CACNG5: variants seen among roughly 807,000 people sequenced by gnomAD.
CACNG5 encodes the protein voltage-dependent calcium channel gamma-5 subunit.
CACNG5 carries 18 observed loss-of-function variants against 24.8 expected under a neutral mutation model. That is an observed-to-expected ratio of 0.73 (90% CI 0.50 to 1.08). The LOEUF is 1.08. CACNG5 is among the 50% of genes least tolerant of loss of function. CACNG5 has a pLI of 0.00. For synonymous variants in CACNG5, 157 were observed against 149.1 expected (o/e 1.05, Z -0.39); for missense variants, 349 against 367.9 (o/e 0.95, Z 0.42).
In CACNG5 at chr17:66,835,421, T is replaced by C. The variant is rs138418752; in HGVS notation, c.-104+171T>C. Among the ~76,000 whole-genome samples the C allele has an allele frequency of 5.7e-4, 86 of 151,936 alleles. 1 individual carries two copies. The highest frequency in any genetic ancestry group is 4.3e-3 in the Admixed American group (65 of 15,290). ...ATCGCGCACCCTGGAAGGGGCAGTG[T>C]GGTGGGGAGCGCGGGCGTGTGTATG... On this transcript the variant is annotated intron_variant, in intron 1 of 5. Transcript: ENST00000533854.
At chr17:66,848,481 C>G (rs190143902) in intron 1 of CACNG5, among the ~76,000 whole-genome samples, 46 of 152,338 alleles carry the variant, frequency 3.0e-4, no homozygotes, top group African/African-American at 1.0e-3. Context: ...ACACGGTCAC[C>G]TCATATTCCC....
At chr17:66,856,635 A>C (rs1359007285) in intron 1 of CACNG5, among the ~76,000 whole-genome samples, 1 of 147,022 alleles carries the variant, frequency 6.8e-6, no homozygotes, top group Non-Finnish European at 1.5e-5. Context: ...TCCGCCGCCC[A>C]GGTTCAAGCA....
chr17:66,880,431 G>A (rs376275337), intron 3 of CACNG5, 126 bp from the exon 4 acceptor site: 1 of 1,113,010 alleles, frequency 9.0e-7, no homozygotes, highest in Non-Finnish European at 1.3e-6. Flanking sequence ...AGAGTCTGGG[G>A]AACCCCTGCA....
At chr17:66,851,379 T>C (rs1976708259) in intron 1 of CACNG5, among the ~76,000 whole-genome samples, 1 of 152,162 alleles carries the variant, frequency 6.6e-6, no homozygotes, top group African/African-American at 2.4e-5. Context: ...ATGGGGATGG[T>C]TGAGGGGAAG....
At chr17:66,859,062 A>T (rs1351286246) in intron 1 of CACNG5, among the ~76,000 whole-genome samples, 1 of 152,212 alleles carries the variant, frequency 6.6e-6, no homozygotes, top group Non-Finnish European at 1.5e-5. Context: ...CAACCCAGGC[A>T]GCCAGGCGCT....
rs1289011022 is a variant in CACNG5, at chr17:66,890,422, G to A, written c.*5182G>A. ...TCTAGCATCCACGTCTCCCAGGACA[G>A]GTGCTAGGGCCTCATGTCCTTGGTA... On this transcript the variant is annotated 3_prime_UTR_variant, in exon 6 of 6. Transcript: ENST00000533854. Among the ~76,000 whole-genome samples, 2 of 152,370 alleles carry A rather than the reference G, an allele frequency of 1.3e-5. No homozygotes were observed. Among genetic ancestry groups the A allele is most frequent in the East Asian group, 3.9e-4 (2 of 5,188 alleles).
intron 3 of CACNG5, among the ~76,000 whole-genome samples, chr17:66,879,414 C>T (rs1440883454): frequency 1.3e-5 from 2 of 152,122 alleles, no homozygotes; most frequent in African/African-American, 4.8e-5. Flanking sequence ...ACAGAGACTC[C>T]ACAGGTTTAA....
chr17:66,846,165 T>A (rs139936498), intron 1 of CACNG5, among the ~76,000 whole-genome samples: 195 of 152,288 alleles, frequency 1.3e-3, no homozygotes, highest in African/African-American at 4.4e-3. Flanking sequence ...ACACTTTGGG[T>A]ATGCGTTTTT....
intron 1 of CACNG5, among the ~76,000 whole-genome samples, chr17:66,840,415 T>C (rs1002438541): frequency 6.6e-5 from 10 of 152,256 alleles, no homozygotes; most frequent in African/African-American, 1.9e-4. Context: ...CTGGGTTCCC[T>C]CTGATGATGC....
rs1465738399 is a variant in CACNG5 at position 66,890,734 on chromosome 17, G to A, written c.*5494G>A. On this transcript the variant is annotated 3_prime_UTR_variant, in exon 6 of 6. Coordinates refer to ENST00000533854, the MANE Select transcript of CACNG5 (RefSeq NM_145811.3). The stretch of plus-strand genomic sequence containing the variant: ...GTTACCAGCAGCCCTCGGAACTTCT[G>A]TCTTTTCATTCCTGTAATGGGGGAG... Among the ~76,000 whole-genome samples the A allele has an allele frequency of 6.6e-6, 1 of 152,212 alleles. No homozygotes were observed. Among genetic ancestry groups the A allele is most frequent in the Non-Finnish European group, 1.5e-5 (1 of 68,040 alleles).
rs749124712 is a variant in CACNG5, at chr17:66,885,111, CCCAGACG to C, written c.702_708del (p.Asp235GlyfsTer18). 5.0e-6 allele frequency: 8 copies of C among 1,614,198 alleles called. No homozygotes were observed. In the South Asian group the frequency reaches 8.8e-5, roughly 18 times the overall value. The stretch of plus-strand genomic sequence containing the variant: ...CCGATTACTCAGGCCAGTTCCTACA[CCCAGACG>C]CCTGGGTCAGGGGCCGCAGCCCCTC... On this transcript the variant is annotated frameshift_variant, in exon 6 of 6. Transcript: ENST00000533854. LOFTEE classifies it high-confidence loss of function.
chr17:66,845,842 C>T (rs1976633037), intron 1 of CACNG5, among the ~76,000 whole-genome samples: 1 of 152,194 alleles, frequency 6.6e-6, no homozygotes, highest in African/African-American at 2.4e-5. Context: ...TTATTAAGAC[C>T]TTCAAGGCAA....
intron 1 of CACNG5, among the ~76,000 whole-genome samples, chr17:66,861,103 T>C (rs551018923): frequency 6.6e-6 from 1 of 152,170 alleles, no homozygotes; most frequent in South Asian, 2.1e-4. Flanking sequence ...TGTATAAAAA[T>C]ATGTATACAA....
At position 66,885,495 on chromosome 17, in the gene CACNG5, A is replaced by C; in HGVS notation, c.*255A>C. 1 of 483,088 alleles carries C rather than the reference A, an allele frequency of 2.1e-6. No individual in the cohort carries two copies. The highest frequency in any genetic ancestry group is 3.6e-6 in the Non-Finnish European group (1 of 275,272). 29.9% of individuals were successfully genotyped at this position (483,088 alleles called of 1,614,324 possible). ...AGAAGCCCCGCCCATGTGAGTGCCA[A>C]TCACAGCAGTGGCTCCAGGAAGCCA... On this transcript the variant is annotated 3_prime_UTR_variant, in exon 6 of 6. Transcript: ENST00000533854.
chr17:66,838,095 G>T (rs1407796558), intron 1 of CACNG5, among the ~76,000 whole-genome samples: 1 of 151,864 alleles, frequency 6.6e-6, no homozygotes, highest in Non-Finnish European at 1.5e-5. Context: ...TTCTATGGGT[G>T]GTGCCCTCTG....
intron 3 of CACNG5, 92 bp downstream of exon 3, chr17:66,879,150 G>T: frequency 1.1e-6 from 1 of 941,060 alleles, no homozygotes; most frequent in Non-Finnish European, 1.7e-6. Flanking sequence ...TATTTCTCAA[G>T]AGGAATGCCC....
At position 66,891,572 on chromosome 17, in the gene CACNG5, G is replaced by T. The variant is rs7222943; in HGVS notation, c.*6332G>T. Among the ~76,000 whole-genome samples the T allele has an allele frequency of 0.11, 16,750 of 152,186 alleles. 999 individuals carry two copies. Among genetic ancestry groups the T allele is most frequent in the African/African-American group, 0.17 (6,925 of 41,502 alleles). ...GGTCTTCCTCATAGGGTGACAGCTT[G>T]GTTTTAAGAGTGAGGGTCCCAAGAG... On this transcript the variant is annotated 3_prime_UTR_variant, in exon 6 of 6. Coordinates refer to ENST00000533854, the MANE Select transcript of CACNG5 (RefSeq NM_145811.3).
chr17:66,885,423 G>A lies in CACNG5; in HGVS notation c.*183G>A, dbSNP rs1977244247. On this transcript the variant is annotated 3_prime_UTR_variant, in exon 6 of 6. Coordinates refer to ENST00000533854, the MANE Select transcript of CACNG5 (RefSeq NM_145811.3). ...GGGCTCTAACTGCCCCAGCATGGGT[G>A]TGGGAGTCTGGAGTCTGTGGGCAAG... The A allele has an allele frequency of 1.4e-6, 1 of 694,882 alleles. No homozygotes were observed. Among genetic ancestry groups the A allele is most frequent in the Admixed American group, 3.0e-5 (1 of 32,940 alleles). 43.0% of individuals were successfully genotyped at this position (694,882 alleles called of 1,614,324 possible). A position where few individuals can be genotyped will look rare whatever the true frequency, so the allele number is the denominator to read the frequency against.
intron 4 of CACNG5, among the ~76,000 whole-genome samples, chr17:66,880,931 G>T (rs1356423062): frequency 6.6e-6 from 1 of 152,144 alleles, no homozygotes; most frequent in East Asian, 1.9e-4. Context: ...TAAAGATGGG[G>T]TTTTTCCATG....
Sources: allele counts gnomAD v4.1 joint callset (sites outside exome capture counted in the v4.1 genomes callset), GRCh38; gene constraint gnomAD v4.1.1; transcripts MANE v1.5; gene names NCBI Gene and HGNC (gene_info 2026-07-23, HGNC 2026-07-21).